The following CUL1 variants were observed in gnomAD, a reference collection of about 807,000 sequenced individuals.
CUL1 encodes cullin 1, also known as cullin-1.
CUL1 carries 24 observed loss-of-function variants against 118.0 expected under a neutral mutation model. The ratio of observed to expected loss-of-function variants is 0.20; its 90% confidence interval spans 0.15 to 0.29. The LOEUF is 0.29. Among genes scored for constraint, CUL1 ranks in the 10% least tolerant of loss-of-function variants. CUL1 has a pLI of 1.00. For missense variants in CUL1, 361 were observed against 933.8 expected (o/e 0.39, Z 7.99); for synonymous variants, 332 against 340.4 (o/e 0.98, Z 0.27).
intron 1 of CUL1, among the ~76,000 whole-genome samples, chr7:148,711,489 G>A (rs118087775): frequency 0.012 from 1,843 of 152,228 alleles, 22 homozygotes; most frequent in Admixed American, 0.037. Flanking sequence ...TCAGGAGAGC[G>A]GTTAAAGTGG....
intron 2 of CUL1, among the ~76,000 whole-genome samples, chr7:148,745,463 T>G (rs1284904542): frequency 6.6e-6 from 1 of 152,168 alleles, no homozygotes; most frequent in Non-Finnish European, 1.5e-5. Flanking sequence ...TACACCTTCT[T>G]TTGGTGGTTC....
At chr7:148,699,396 G>T (rs1197939836) in intron 1 of CUL1, among the ~76,000 whole-genome samples, 1 of 152,100 alleles carries the variant, frequency 6.6e-6, no homozygotes, top group African/African-American at 2.4e-5. Context: ...CGGAGGGTGG[G>T]CCGACGTGTG....
At chr7:148,763,747 G>A (rs1799913676) in intron 7 of CUL1, among the ~76,000 whole-genome samples, 1 of 152,112 alleles carries the variant, frequency 6.6e-6, no homozygotes, top group South Asian at 2.1e-4. Context: ...CAAAACCACA[G>A]GATAAAGGGT....
intron 2 of CUL1, among the ~76,000 whole-genome samples, chr7:148,742,880 A>G (rs1799190789): frequency 6.6e-6 from 1 of 152,208 alleles, no homozygotes; most frequent in Non-Finnish European, 1.5e-5. Flanking sequence ...CTGGGATTAC[A>G]GGCATCAGCC....
intron 2 of CUL1, among the ~76,000 whole-genome samples, chr7:148,737,878 G>A (rs981532119): frequency 6.6e-6 from 1 of 152,068 alleles, no homozygotes; most frequent in East Asian, 1.9e-4. Context: ...GATTACAGGG[G>A]TGAGCCACCA....
chr7:148,798,877 C>G (rs1801297190), intron 20 of CUL1, among the ~76,000 whole-genome samples, 200 bp downstream of exon 20: 1 of 152,130 alleles, frequency 6.6e-6, no homozygotes, highest in African/African-American at 2.4e-5. Flanking sequence ...CAAAACAGGG[C>G]AGTCCTCTTG....
chr7:148,771,094 AGTGCAAAAATGTGT>A (rs1800195025), intron 9 of CUL1, among the ~76,000 whole-genome samples: 1 of 152,204 alleles, frequency 6.6e-6, no homozygotes, highest in African/African-American at 2.4e-5. Flanking sequence ...ATTTTTTTTA[AGTGCAAAAATGTGT>A]AATATCAGTC....
intron 1 of CUL1, among the ~76,000 whole-genome samples, chr7:148,711,368 G>A (rs1437119504): frequency 6.6e-6 from 1 of 152,224 alleles, no homozygotes; most frequent in Non-Finnish European, 1.5e-5. Context: ...AACCACAGGT[G>A]CGGTGGGTGA....
intron 2 of CUL1, among the ~76,000 whole-genome samples, chr7:148,750,381 T>A (rs1001827761): frequency 6.6e-6 from 1 of 151,692 alleles, no homozygotes; most frequent in Non-Finnish European, 1.5e-5. Context: ...ACATGTGTCA[T>A]GTTGGTTTGC....
chr7:148,784,092 T>A lies in CUL1; in HGVS notation c.1298+15T>A. 1 of 1,587,032 alleles carries A rather than the reference T, an allele frequency of 6.3e-7. No individual in the cohort carries two copies. Among genetic ancestry groups the A allele is most frequent in the Non-Finnish European group, 8.7e-7 (1 of 1,155,424 alleles). ...TTGAAGAAAAGGTATTAAATGACCC[T>A]ATGTTTTCTTAGTATGCCTGTTTAA... On this transcript the variant is annotated intron_variant, in intron 11 of 21. Transcript: ENST00000325222.
chr7:148,771,606 C>G (rs1800214788), intron 9 of CUL1, among the ~76,000 whole-genome samples: 1 of 152,148 alleles, frequency 6.6e-6, no homozygotes, highest in South Asian at 2.1e-4. Flanking sequence ...GCCTCGTGAT[C>G]AAGGGCATTT....
intron 1 of CUL1, among the ~76,000 whole-genome samples, chr7:148,714,313 C>CT (rs1046694817): frequency 6.6e-6 from 1 of 152,096 alleles, no homozygotes; most frequent in African/African-American, 2.4e-5. Context: ...GTGGTAAGAA[C>CT]TTTTAAGATG....
intron 1 of CUL1, among the ~76,000 whole-genome samples, chr7:148,722,617 C>T (rs985221814): frequency 6.6e-6 from 1 of 152,228 alleles, no homozygotes; most frequent in Non-Finnish European, 1.5e-5. Context: ...CCATTTCTAT[C>T]CCTACAGTGG....
intron 11 of CUL1, 129 bp from the exon 12 acceptor site, chr7:148,786,422 C>G: frequency 2.9e-6 from 2 of 681,846 alleles, no homozygotes; most frequent in Admixed American, 2.8e-5. Flanking sequence ...GAAAGTCAAC[C>G]TTCCCTCTTC....
At chr7:148,783,632 C>T in intron 9 of CUL1, 151 bp from the exon 10 acceptor site, 1 of 1,538,930 alleles carries the variant, frequency 6.5e-7, no homozygotes, top group Non-Finnish European at 8.7e-7. Context: ...AACGATGGTA[C>T]CAAAAGTATT....
At position 148,800,385 on chromosome 7, in the gene CUL1, C is replaced by G; in HGVS notation, c.2251-117C>G. ...CAGATCTGGGGCGGGGACACTGCTC[C>G]CCACTGAGCTCCGAATCAGGGGAGA... On this transcript the variant is annotated intron_variant, in intron 21 of 21. Transcript: ENST00000325222. This position sits in a 1 kb window ranked among gnomAD's most constrained non-coding sequence, Gnocchi z 4.6. The G allele has an allele frequency of 1.3e-6, 1 of 774,382 alleles. No homozygotes were observed. Among genetic ancestry groups the G allele is most frequent in the Non-Finnish European group, 2.2e-6 (1 of 458,926 alleles). 48.0% of individuals were successfully genotyped at this position (774,382 alleles called of 1,614,324 possible).
At chr7:148,763,510 G>C (rs1323189775) in intron 7 of CUL1, among the ~76,000 whole-genome samples, 1 of 152,096 alleles carries the variant, frequency 6.6e-6, no homozygotes, top group Non-Finnish European at 1.5e-5. Flanking sequence ...ATTTATTAGG[G>C]GGATGACCTT....
chr7:148,721,421 G>A (rs1798392308), intron 1 of CUL1, among the ~76,000 whole-genome samples: 1 of 150,622 alleles, frequency 6.6e-6, no homozygotes, highest in South Asian at 2.1e-4. Context: ...TTTTATTATG[G>A]AAAGTAGAAA....
At chr7:148,713,605 C>T (rs959309011) in intron 1 of CUL1, among the ~76,000 whole-genome samples, 10 of 151,980 alleles carry the variant, frequency 6.6e-5, no homozygotes, top group African/African-American at 2.2e-4. Flanking sequence ...TTTCTAATTC[C>T]TAAGATGTTT....
Sources: gnomAD v4.1 joint callset for allele counts (sites outside exome capture counted in the v4.1 genomes callset) on GRCh38, gnomAD v4.1.1 for gene constraint, Gnocchi (gnomAD v3.1) non-coding constraint, MANE v1.5 for transcripts, NCBI Gene and HGNC (gene_info 2026-07-23, HGNC 2026-07-21) for gene names.